The following PRKN variants were observed in gnomAD, a reference collection of about 807,000 sequenced individuals.
PRKN encodes parkin RBR E3 ubiquitin protein ligase.
PRKN carries 56 observed loss-of-function variants against 59.5 expected under a neutral mutation model. The observed-to-expected ratio is 0.94, with a 90% CI of 0.76 to 1.18. The LOEUF (loss-of-function observed/expected upper bound fraction) is 1.18, where lower values mean the gene tolerates loss of function less well. Ranked by LOEUF, PRKN falls within the 50% of genes most tolerant of loss-of-function variation. The pLI, the probability that PRKN is intolerant of heterozygous loss-of-function variation, is 0.00. For synonymous variants in PRKN, 250 were observed against 222.1 expected, an observed-to-expected ratio of 1.13 and a Z score of -1.12; for missense variants, 657 against 596.4, an observed-to-expected ratio of 1.10 and a Z score of -1.06.
chr6:162,694,098 T>G (rs555036654), intron 1 of PRKN, among the ~76,000 whole-genome samples: 1 of 151,866 alleles, frequency 6.6e-6, no homozygotes, highest in East Asian at 1.9e-4. Context: ...ATACAAAAAA[T>G]TAGCCAGGCA....
intron 4 of PRKN, among the ~76,000 whole-genome samples, chr6:162,124,445 G>T (rs1370428754): frequency 6.6e-6 from 1 of 152,166 alleles, no homozygotes; most frequent in Non-Finnish European, 1.5e-5. Flanking sequence ...GTACAAAGTT[G>T]TAAAGAGCCT....
chr6:161,408,164 A>G (rs888838131), intron 9 of PRKN, among the ~76,000 whole-genome samples: 1 of 152,198 alleles, frequency 6.6e-6, no homozygotes, highest in African/African-American at 2.4e-5. Flanking sequence ...AGTCAGGAAC[A>G]CAGGAAAAAT....
At chr6:162,487,899 G>A (rs955143078) in intron 1 of PRKN, among the ~76,000 whole-genome samples, 4 of 151,924 alleles carry the variant, frequency 2.6e-5, no homozygotes, top group Non-Finnish European at 5.9e-5. Flanking sequence ...AACAAAGTGC[G>A]ACCCCCATCT....
intron 7 of PRKN, among the ~76,000 whole-genome samples, chr6:161,654,348 G>A (rs6938497): frequency 2.0e-5 from 3 of 151,874 alleles, no homozygotes; most frequent in Non-Finnish European, 2.9e-5. Context: ...CATGTACCCC[G>A]GAAGCCCTTC....
chr6:162,400,041 T>C (rs1379913328), intron 2 of PRKN, among the ~76,000 whole-genome samples: 1 of 151,980 alleles, frequency 6.6e-6, no homozygotes, highest in Non-Finnish European at 1.5e-5. Flanking sequence ...ACCCCATCTG[T>C]ACTGAAAATA....
At chr6:161,403,038 G>A (rs1583023718) in intron 9 of PRKN, among the ~76,000 whole-genome samples, 1 of 152,156 alleles carries the variant, frequency 6.6e-6, no homozygotes, top group East Asian at 1.9e-4. Context: ...CTGTTAAGGA[G>A]TCAGCACACC....
At chr6:162,215,900 T>C (rs1269300951) in intron 3 of PRKN, among the ~76,000 whole-genome samples, 1 of 151,900 alleles carries the variant, frequency 6.6e-6, no homozygotes, top group Non-Finnish European at 1.5e-5. Context: ...AAAAATTAGC[T>C]GGCATGGTGG....
intron 4 of PRKN, among the ~76,000 whole-genome samples, chr6:162,129,960 A>G (rs1781280115): frequency 6.6e-6 from 1 of 152,196 alleles, no homozygotes; most frequent in Non-Finnish European, 1.5e-5. Flanking sequence ...AAAGTAAGAA[A>G]AAAATGAGCC....
At chr6:161,621,663 T>C (rs569918168) in intron 7 of PRKN, among the ~76,000 whole-genome samples, 22 of 152,172 alleles carry the variant, frequency 1.4e-4, no homozygotes, top group African/African-American at 4.8e-4. Context: ...AAAATAACAC[T>C]ATACCAGCTC....
At chr6:161,661,948 A>G (rs2128165791) in intron 7 of PRKN, among the ~76,000 whole-genome samples, 1 of 152,262 alleles carries the variant, frequency 6.6e-6, no homozygotes, top group South Asian at 2.1e-4. Flanking sequence ...ATTTGAACTC[A>G]GGAGGCAGAG....
intron 7 of PRKN, among the ~76,000 whole-genome samples, chr6:161,713,473 A>G (rs907277081): frequency 6.6e-6 from 1 of 152,192 alleles, no homozygotes; most frequent in African/African-American, 2.4e-5. Flanking sequence ...GCATTAGCAT[A>G]AACATAAGAG....
intron 2 of PRKN, among the ~76,000 whole-genome samples, chr6:162,298,478 G>C (rs930851519): frequency 1.3e-5 from 2 of 151,708 alleles, no homozygotes; most frequent in Admixed American, 6.6e-5. Flanking sequence ...GTTTTCTTCT[G>C]GAATCTGAAC....
chr6:162,107,235 G>T (rs1216545120), intron 4 of PRKN, among the ~76,000 whole-genome samples: 1 of 152,138 alleles, frequency 6.6e-6, no homozygotes, highest in Non-Finnish European at 1.5e-5. Flanking sequence ...GAGGCCAAAG[G>T]GGGCGCATCA....
intron 2 of PRKN, among the ~76,000 whole-genome samples, chr6:162,344,470 C>T (rs1323373182): frequency 6.6e-6 from 1 of 151,978 alleles, no homozygotes; most frequent in Non-Finnish European, 1.5e-5. Context: ...TAGTTATTAG[C>T]TGAAATGATG....
chr6:161,559,102 C>G (rs1013555167), intron 8 of PRKN, among the ~76,000 whole-genome samples: 20 of 148,022 alleles, frequency 1.4e-4, no homozygotes, highest in Admixed American at 1.0e-3. Flanking sequence ...AGATCATATC[C>G]GGAAGCACAG....
intron 1 of PRKN, among the ~76,000 whole-genome samples, chr6:162,642,343 T>A (rs1374268052): frequency 6.6e-6 from 1 of 152,146 alleles, no homozygotes; most frequent in Non-Finnish European, 1.5e-5. Flanking sequence ...AAAATTAACA[T>A]TTGCTTAATG....
At chr6:162,058,050 G>C (rs1356111531) in intron 4 of PRKN, among the ~76,000 whole-genome samples, 1 of 152,208 alleles carries the variant, frequency 6.6e-6, no homozygotes, top group Non-Finnish European at 1.5e-5. Context: ...CTGTTTCTCT[G>C]TAGGTTGTGA....
Position 161,556,760 on chromosome 6 carries a change from T to C in PRKN, c.934-7757A>G, listed in dbSNP as rs555441221. On this transcript the variant is annotated intron_variant, in intron 8 of 11. Coordinates refer to ENST00000366898, the MANE Select transcript of PRKN (RefSeq NM_004562.3). ...AATAGCATTTTATAAACAGACTAAC[T>C]TGGAGGAATGTGATTAATTTATAAT... 2.6e-5 allele frequency among the ~76,000 whole-genome samples: 4 copies of C among 152,300 alleles called. No homozygotes were observed. In the South Asian group the frequency reaches 8.3e-4, roughly 32 times the overall value.
At chr6:162,328,570 C>T (rs968531834) in intron 2 of PRKN, among the ~76,000 whole-genome samples, 4 of 152,094 alleles carry the variant, frequency 2.6e-5, no homozygotes, top group South Asian at 2.1e-4. Flanking sequence ...GAAAAGAGAC[C>T]GGTAAATAAA....
Sources: allele counts gnomAD v4.1 joint callset (sites outside exome capture counted in the v4.1 genomes callset), GRCh38; gene constraint gnomAD v4.1.1; transcripts MANE v1.5; gene names NCBI Gene and HGNC (gene_info 2026-07-23, HGNC 2026-07-21).